TM7SF3: variants seen among roughly 807,000 people sequenced by gnomAD.
TM7SF3 encodes the protein seven span transmembrane protein.
A neutral mutation model predicts 65.5 loss-of-function variants in TM7SF3; 60 were observed. That is an observed-to-expected ratio of 0.92 (90% confidence interval 0.74 to 1.14). TM7SF3 has a LOEUF of 1.14. Among genes scored for constraint, TM7SF3 ranks in the 50% most tolerant of loss-of-function variants. The pLI, the probability that TM7SF3 is intolerant of heterozygous loss-of-function variation, is 0.00. For missense variants in TM7SF3, 623 were observed against 684.8 expected, an observed-to-expected ratio of 0.91 and a Z score of 1.01; for synonymous variants, 264 against 259.6, an observed-to-expected ratio of 1.02 and a Z score of -0.16.
At chr12:26,991,310 G>A (rs926245221) in intron 5 of TM7SF3, among the ~76,000 whole-genome samples, 10 of 151,002 alleles carry the variant, frequency 6.6e-5, no homozygotes, top group African/African-American at 9.7e-5. Flanking sequence ...CCGCCACCGC[G>A]CCCGGCTAAT....
At chr12:27,003,520 A>G in intron 1 of TM7SF3, 130 bp from the exon 2 acceptor site, 2 of 829,070 alleles carry the variant, frequency 2.4e-6, no homozygotes, top group Non-Finnish European at 1.8e-6. Flanking sequence ...TATTGCTCCT[A>G]TTTCACTGCT....
At position 27,014,093 on chromosome 12, in the gene TM7SF3, C is replaced by A; in HGVS notation, c.76G>T (p.Gly26Trp). 1 of 1,570,560 alleles carries A rather than the reference C, an allele frequency of 6.4e-7. No individual in the cohort carries two copies. ...HRVAGAAEVFGNSSEGLIEFS... is the reference protein window; with the variant it reads ...HRVAGAAEVFWNSSEGLIEFS... ...CCGACCTTACCCTCGCTGGAATTCC[C>A]GAAGACCTCGGCTGCACCAGCCACC... is the stretch of plus-strand genomic sequence containing the variant. The change falls in exon 1 of 12, where the codon GGG (glycine) becomes TGG (tryptophan). Residue 26 changes from glycine (G) to tryptophan (W), a missense_variant. Coordinates refer to ENST00000343028, the MANE Select transcript of TM7SF3 (RefSeq NM_016551.3).
At chr12:26,988,221 A>G (rs982257664) in intron 6 of TM7SF3, among the ~76,000 whole-genome samples, 2 of 152,130 alleles carry the variant, frequency 1.3e-5, no homozygotes, top group African/African-American at 4.8e-5. Flanking sequence ...GGAGTGCAGA[A>G]GCACAATCAC....
chr12:26,985,875 G>A (rs868264959), intron 6 of TM7SF3, among the ~76,000 whole-genome samples: 7 of 107,954 alleles, frequency 6.5e-5, no homozygotes, highest in African/African-American at 2.2e-4. Flanking sequence ...GTGCAGTGGC[G>A]CGATCTTGGC....
chr12:26,993,922 T>C (rs1253325257), intron 5 of TM7SF3, among the ~76,000 whole-genome samples: 1 of 152,194 alleles, frequency 6.6e-6, no homozygotes, highest in African/African-American at 2.4e-5. Context: ...TTTGTATTTA[T>C]TCAAGGCTGA....
intron 7 of TM7SF3, among the ~76,000 whole-genome samples, chr12:26,981,847 T>G (rs1029825557): frequency 8.5e-5 from 13 of 152,150 alleles, no homozygotes; most frequent in Admixed American, 5.9e-4. Flanking sequence ...TGAGCATGAT[T>G]TACATCCCAG....
Position 26,975,530 on chromosome 12 carries a change from G to T in TM7SF3, c.1416C>A (p.His472Gln), listed in dbSNP as rs779372969. Residue 472 changes from histidine to glutamine, a missense_variant, in exon 11 of 12, where the codon CAC (histidine) becomes CAA (glutamine). Coordinates refer to ENST00000343028, the MANE Select transcript of TM7SF3 (RefSeq NM_016551.3). ...VLKRALNKDF[H>Q]RAFTNVPFQT... Reference sequence around the variant, plus strand: ...GAAAAGGCACATTTGTGAAAGCTCTGTGGAAATCCTTGTTGAGCGCTCTCT... The same window carrying T: ...GAAAAGGCACATTTGTGAAAGCTCTTTGGAAATCCTTGTTGAGCGCTCTCT... The T allele has an allele frequency of 7.4e-6, 12 of 1,614,148 alleles. No individual in the cohort carries two copies. The South Asian group carries it at 1.3e-4, about 18-fold the overall frequency.
intron 3 of TM7SF3, 129 bp downstream of exon 3, chr12:26,999,397 A>C: frequency 1.1e-6 from 1 of 903,282 alleles, no homozygotes; most frequent in Non-Finnish European, 1.6e-6. Flanking sequence ...CTCCATCTCA[A>C]AAAAAAAAAA....
intron 6 of TM7SF3, among the ~76,000 whole-genome samples, chr12:26,984,323 AGAGGCT>A (rs1487188788): frequency 6.6e-6 from 1 of 151,942 alleles, no homozygotes; most frequent in East Asian, 1.9e-4. Flanking sequence ...CAGCTACTCC[AGAGGCT>A]GAGGCAGGAG....
intron 6 of TM7SF3, 44 bp downstream of exon 6, chr12:26,990,406 A>C (rs1940297890): frequency 1.4e-6 from 2 of 1,460,644 alleles, no homozygotes; most frequent in Non-Finnish European, 1.9e-6. Flanking sequence ...CATTATCTGC[A>C]AGGCCAAAGG....
In TM7SF3 at chr12:26,995,325, A is replaced by G. The variant is rs1044259722; in HGVS notation, c.602T>C (p.Leu201Pro). The change falls in exon 5 of 12, where the codon CTG (leucine) becomes CCG (proline). Residue 201 changes from leucine to proline, a missense_variant. Coordinates refer to ENST00000343028, the MANE Select transcript of TM7SF3 (RefSeq NM_016551.3). The part of the protein sequence containing the change: ...RLQYDVYQYF[L>P]PENDLTEEML... The stretch of plus-strand genomic sequence containing the variant: ...CTCCTCAGTGAGGTCATTCTCAGGC[A>G]GAAAATACTGATAGACATCATACTG... 1 of 1,614,080 alleles carries G rather than the reference A, an allele frequency of 6.2e-7. No individual in the cohort carries two copies. The highest frequency in any genetic ancestry group is 1.3e-5 in the African/African-American group (1 of 74,936).
intron 6 of TM7SF3, among the ~76,000 whole-genome samples, chr12:26,985,470 C>T (rs1940005483): frequency 6.6e-6 from 1 of 151,070 alleles, no homozygotes; most frequent in South Asian, 2.1e-4. Flanking sequence ...ACTAAAAATA[C>T]AAAAATTAGC....
chr12:27,009,168 C>T (rs1411979397), intron 1 of TM7SF3, among the ~76,000 whole-genome samples: 5 of 152,150 alleles, frequency 3.3e-5, no homozygotes, highest in African/African-American at 1.2e-4. Flanking sequence ...AATATTACAA[C>T]TCTCTTAACT....
At chr12:26,984,412 G>A (rs1391509650) in intron 6 of TM7SF3, among the ~76,000 whole-genome samples, 3 of 149,664 alleles carry the variant, frequency 2.0e-5, no homozygotes, top group Non-Finnish European at 3.0e-5. Flanking sequence ...CCTGGATGTC[G>A]CAGCCAGACT....
chr12:26,999,877 T>C, intron 2 of TM7SF3: 1 of 524,260 alleles, frequency 1.9e-6, no homozygotes, highest in Non-Finnish European at 3.4e-6. Flanking sequence ...TCTTGAAAAA[T>C]ATACGATTGT....
Position 26,999,528 on chromosome 12 carries a change from C to T in TM7SF3, c.395G>A (p.Arg132Lys). ...GGAGGAGAAGACAGAAGGGTTACCT[C>T]TTTCTGAGTAGGAGAGTAGGATAGC... ...NMAILLSYSE[R>K]DPVPGGCNLE... Residue 132 changes from arginine (R) to lysine (K), a missense_variant and splice_region_variant, in exon 3 of 12, where the codon AGA becomes AAA. Coordinates refer to ENST00000343028, the MANE Select transcript of TM7SF3 (RefSeq NM_016551.3). 8 of 1,614,072 alleles carry T rather than the reference C, an allele frequency of 5.0e-6. No individual in the cohort carries two copies. Among genetic ancestry groups the T allele is most frequent in the Non-Finnish European group, 5.9e-6 (7 of 1,179,960 alleles).
At chr12:26,994,493 T>G (rs995108148) in intron 5 of TM7SF3, among the ~76,000 whole-genome samples, 4 of 152,184 alleles carry the variant, frequency 2.6e-5, no homozygotes, top group Non-Finnish European at 5.9e-5. Context: ...ATTACAGGCA[T>G]CTACCAACAT....
At chr12:26,989,273 T>C in intron 6 of TM7SF3, among the ~76,000 whole-genome samples, 1 of 152,076 alleles carries the variant, frequency 6.6e-6, no homozygotes, top group Admixed American at 6.6e-5. Context: ...CCGACTCTAC[T>C]AAAAATACAA....
At chr12:27,010,155 C>T (rs752757352) in intron 1 of TM7SF3, among the ~76,000 whole-genome samples, 8 of 152,318 alleles carry the variant, frequency 5.3e-5, no homozygotes, top group Non-Finnish European at 8.8e-5. Flanking sequence ...AACTGTGCTG[C>T]CATCAGTTGG....
Sources: allele counts gnomAD v4.1 joint callset (sites outside exome capture counted in the v4.1 genomes callset), GRCh38; gene constraint gnomAD v4.1.1; transcripts MANE v1.5; gene names NCBI Gene and HGNC (gene_info 2026-07-23, HGNC 2026-07-21).